SH3PXD2B: variants seen among roughly 807,000 people sequenced by gnomAD.
SH3PXD2B encodes the protein SH3 and PX domains 2B.
Under a neutral mutation model 73.1 loss-of-function variants are expected in SH3PXD2B, and 37 were observed. The observed-to-expected ratio is 0.51, with a 90% confidence interval of 0.39 to 0.67. SH3PXD2B has a LOEUF of 0.67. Ranked by LOEUF, SH3PXD2B falls within the 30% of genes least tolerant of loss-of-function variation. SH3PXD2B has a pLI of 0.00. For synonymous variants in SH3PXD2B, 457 were observed against 480.5 expected, an observed-to-expected ratio of 0.95 and a Z score of 0.64; for missense variants, 1,053 against 1,197.8, an observed-to-expected ratio of 0.88 and a Z score of 1.78.
Position 172,394,654 on chromosome 5 carries a change from A to T in SH3PXD2B, c.233-15T>A. On this transcript the variant is annotated splice_polypyrimidine_tract_variant and intron_variant, in intron 3 of 12. Coordinates refer to ENST00000311601, the MANE Select transcript of SH3PXD2B (RefSeq NM_001017995.3). ...GAGAATCTTACCTGCAGAAGATGAG[A>T]GCAAAGACAGTGTTGTCAGGGAACA... The T allele has an allele frequency of 6.2e-7, 1 of 1,613,556 alleles. No homozygotes were observed. The highest frequency in any genetic ancestry group is 8.5e-7 in the Non-Finnish European group (1 of 1,179,788).
chr5:172,367,158 G>A (rs1232184571), intron 6 of SH3PXD2B, among the ~76,000 whole-genome samples: 5 of 149,592 alleles, frequency 3.3e-5, no homozygotes, highest in Admixed American at 6.7e-5. Flanking sequence ...GGCTGGTCTC[G>A]AACTCTTGAC....
At chr5:172,430,415 G>A (rs6893600) in intron 1 of SH3PXD2B, among the ~76,000 whole-genome samples, 47,358 of 152,136 alleles carry the variant, frequency 0.31, 7,881 homozygotes, top group East Asian at 0.67. Flanking sequence ...CTGAGCCTGG[G>A]GCACAGGTTT....
Position 172,338,611 on chromosome 5 carries a change from T to C in SH3PXD2B, c.2494A>G (p.Ile832Val). ...GCTGCTTTCTCCCTGTTTTCTCCAATCTTGCCGGTCCCCCATGGCCCCAGG... is the reference window on the plus strand; with the variant it reads ...GCTGCTTTCTCCCTGTTTTCTCCAACCTTGCCGGTCCCCCATGGCCCCAGG... The part of the protein sequence containing the change: ...GSLGPWGTGK[I>V]GENREKAAAA... The change falls in exon 13 of 13, where the codon ATT (isoleucine) becomes GTT (valine). Residue 832 changes from isoleucine to valine, a missense_variant. Transcript: ENST00000311601. This position sits in a 1 kb window ranked among gnomAD's most constrained non-coding sequence, Gnocchi z 5.1. 3.1e-6 allele frequency: 5 copies of C among 1,614,120 alleles called. No individual in the cohort carries two copies. The highest frequency in any genetic ancestry group is 2.2e-5 in the East Asian group (1 of 44,876).
chr5:172,441,207 C>G (rs985484312), intron 1 of SH3PXD2B, among the ~76,000 whole-genome samples: 1 of 152,154 alleles, frequency 6.6e-6, no homozygotes, highest in Admixed American at 6.5e-5. Flanking sequence ...CCCTCCTTCC[C>G]CCTCATTTAG....
rs766241508 is a variant in SH3PXD2B, at chr5:172,382,208, C to A, written c.310-81G>T. ...GCACGCGCCTATAATCCCAGCTACT[C>A]GGGAGGCTGAGGCAAGATAATTGTT... is the stretch of plus-strand genomic sequence containing the variant. On this transcript the variant is annotated intron_variant, in intron 4 of 12. Coordinates refer to ENST00000311601, the MANE Select transcript of SH3PXD2B (RefSeq NM_001017995.3). The A allele has an allele frequency of 6.0e-6, 7 of 1,172,710 alleles. No homozygotes were observed. In the South Asian group the frequency reaches 1.1e-4, roughly 18 times the overall value. 72.6% of individuals were successfully genotyped at this position (1,172,710 alleles called of 1,614,324 possible). A position where few individuals can be genotyped will look rare whatever the true frequency, so the allele number is the denominator to read the frequency against.
chr5:172,425,072 CAGAA>C (rs1008255870), intron 1 of SH3PXD2B, among the ~76,000 whole-genome samples: 4 of 152,174 alleles, frequency 2.6e-5, no homozygotes, highest in Non-Finnish European at 5.9e-5. Flanking sequence ...GTCATCATCT[CAGAA>C]AGGCGACTTT....
intron 3 of SH3PXD2B, among the ~76,000 whole-genome samples, chr5:172,405,215 G>A (rs989872461): frequency 6.6e-6 from 1 of 152,284 alleles, no homozygotes; most frequent in Admixed American, 6.5e-5. Flanking sequence ...AGCAGCTGGT[G>A]TGCTGCCTGG....
chr5:172,335,552 G>A lies in SH3PXD2B; in HGVS notation c.*2817C>T. The A allele has an allele frequency of 2.4e-6, 3 of 1,231,732 alleles. No homozygotes were observed. Among genetic ancestry groups the A allele is most frequent in the Non-Finnish European group, 3.0e-6 (3 of 987,962 alleles). 76.3% of individuals were successfully genotyped at this position (1,231,732 alleles called of 1,614,324 possible). A position where few individuals can be genotyped will look rare whatever the true frequency, so the allele number is the denominator to read the frequency against. ...CAGGGCTGGTCCTATCCGCCTCACAGGCTTGCCGTAAGGATTAAAGGAGCG... is the reference window on the plus strand; with the variant it reads ...CAGGGCTGGTCCTATCCGCCTCACAAGCTTGCCGTAAGGATTAAAGGAGCG... On this transcript the variant is annotated 3_prime_UTR_variant, in exon 13 of 13. Transcript: ENST00000311601.
chr5:172,439,677 T>TGCAC (rs1554087663), intron 1 of SH3PXD2B, among the ~76,000 whole-genome samples: 29 of 121,670 alleles, frequency 2.4e-4, no homozygotes, highest in African/African-American at 8.1e-4. Context: ...TGTGCGTGCG[T>TGCAC]GCGCGCACGC....
intron 1 of SH3PXD2B, among the ~76,000 whole-genome samples, chr5:172,449,818 C>T (rs1221281549): frequency 6.6e-6 from 1 of 152,174 alleles, no homozygotes; most frequent in African/African-American, 2.4e-5. Flanking sequence ...TGCAAGGAGG[C>T]AGCTGTAAGA....
intron 3 of SH3PXD2B, among the ~76,000 whole-genome samples, chr5:172,396,230 C>T (rs1172923686): frequency 7.2e-6 from 1 of 138,350 alleles, no homozygotes; most frequent in African/African-American, 2.7e-5. Context: ...AAAAATCAGC[C>T]TGGTGTGGTA....
At chr5:172,405,827 T>C (rs1203299488) in intron 3 of SH3PXD2B, among the ~76,000 whole-genome samples, 3 of 152,202 alleles carry the variant, frequency 2.0e-5, no homozygotes, top group African/African-American at 4.8e-5. Context: ...ACCATAGTTA[T>C]AGAAACAGAA....
In SH3PXD2B at chr5:172,338,494, G is replaced by A. The variant is rs764299887; in HGVS notation, c.2611C>T (p.Gln871Ter). Reference protein sequence around the residue: ...FEGDKDTSSFQEGTVFEVREK... With the variant: ...FEGDKDTSSF Reference sequence around the variant, plus strand: ...CGGACTTCAAACACTGTCCCTTCCTGGAAGCTGCTGGTGTCTTTGTCTCCT... The same window carrying A: ...CGGACTTCAAACACTGTCCCTTCCTAGAAGCTGCTGGTGTCTTTGTCTCCT... The change falls in exon 13 of 13, where the codon CAG (glutamine) becomes TAG (stop). Residue 871 changes from glutamine (Q) to a stop codon, truncating the protein, a stop_gained. Coordinates refer to ENST00000311601, the MANE Select transcript of SH3PXD2B (RefSeq NM_001017995.3). LOFTEE classifies it high-confidence loss of function. The surrounding 1 kb of genome is among the most constrained non-coding windows in gnomAD (Gnocchi z 5.1). 14 of 1,614,176 alleles carry A rather than the reference G, an allele frequency of 8.7e-6. No individual in the cohort carries two copies. Among genetic ancestry groups the A allele is most frequent in the Non-Finnish European group, 1.1e-5 (13 of 1,180,026 alleles).
At chr5:172,373,960 C>A (rs2113354085) in intron 5 of SH3PXD2B, 145 bp from the exon 6 acceptor site, 3 of 860,034 alleles carry the variant, frequency 3.5e-6, no homozygotes, top group South Asian at 1.7e-5. Context: ...ACTAGAGGAA[C>A]CCTGACTTCT....
chr5:172,386,238 G>A (rs1350428409), intron 4 of SH3PXD2B, among the ~76,000 whole-genome samples: 2 of 152,202 alleles, frequency 1.3e-5, no homozygotes, highest in Non-Finnish European at 2.9e-5. Context: ...TAGAATAAGT[G>A]AGGAAGTGGT....
At chr5:172,368,453 T>TTATATATATATATATATATATTATATATA (rs773035950) in intron 6 of SH3PXD2B, among the ~76,000 whole-genome samples, 1 of 80,014 alleles carries the variant, frequency 1.2e-5, no homozygotes, top group African/African-American at 5.4e-5. Context: ...CTAAGAATGC[T>TTATATATATATATATATATATTATATATA]TATATATATA....
At chr5:172,413,499 A>G (rs10053155) in intron 2 of SH3PXD2B, among the ~76,000 whole-genome samples, 10,188 of 152,266 alleles carry the variant, frequency 0.067, 551 homozygotes, top group African/African-American at 0.15. Context: ...GTACACGGTA[A>G]GCACCTGTTA....
chr5:172,438,986 C>A (rs1462538553), intron 1 of SH3PXD2B, among the ~76,000 whole-genome samples: 5 of 151,308 alleles, frequency 3.3e-5, no homozygotes, highest in Non-Finnish European at 1.5e-5. Context: ...TGCCTGTAAT[C>A]CCAGCACTTT....
chr5:172,430,706 T>G (rs1349837144), intron 1 of SH3PXD2B, among the ~76,000 whole-genome samples: 1 of 152,228 alleles, frequency 6.6e-6, no homozygotes, highest in Non-Finnish European at 1.5e-5. Flanking sequence ...TGTTAGGTGT[T>G]TTGTGGCCTG....
Sources: allele counts gnomAD v4.1 joint callset (sites outside exome capture counted in the v4.1 genomes callset), GRCh38; gene constraint gnomAD v4.1.1; non-coding constraint Gnocchi (gnomAD v3.1); transcripts MANE v1.5; gene names NCBI Gene and HGNC (gene_info 2026-07-23, HGNC 2026-07-21).